The following HS3ST4 variants were observed in gnomAD, a reference collection of about 807,000 sequenced individuals.
The protein encoded by HS3ST4 is heparan sulfate glucosamine 3-O-sulfotransferase 4.
A neutral mutation model predicts 29.2 loss-of-function variants in HS3ST4; 17 were observed. That is an observed-to-expected ratio of 0.58 (90% CI 0.40 to 0.87). The LOEUF (loss-of-function observed/expected upper bound fraction) is 0.87. Among genes scored for constraint, HS3ST4 ranks in the 40% least tolerant of loss-of-function variants. HS3ST4 has a pLI of 0.00. For missense variants in HS3ST4, 627 were observed against 634.5 expected, an observed-to-expected ratio of 0.99 and a Z score of 0.13; for synonymous variants, 314 against 285.7, an observed-to-expected ratio of 1.10 and a Z score of -1.00.
intron 1 of HS3ST4, among the ~76,000 whole-genome samples, chr16:26,119,740 A>G (rs1899247128): frequency 6.6e-6 from 1 of 152,058 alleles, no homozygotes; most frequent in East Asian, 1.9e-4. Flanking sequence ...ACAAATATTT[A>G]TCGAGGCCTA....
intron 1 of HS3ST4, among the ~76,000 whole-genome samples, chr16:25,908,835 AT>A (rs1000129711): frequency 3.9e-5 from 6 of 152,368 alleles, no homozygotes; most frequent in Middle Eastern, 3.4e-3. Flanking sequence ...CAAGGAAGGC[AT>A]CAGAGTCCAA....
At chr16:25,854,200 A>T (rs1402047568) in intron 1 of HS3ST4, among the ~76,000 whole-genome samples, 3 of 151,968 alleles carry the variant, frequency 2.0e-5, no homozygotes, top group African/African-American at 7.2e-5. Flanking sequence ...TGGCATAATG[A>T]TAGCTCACTG....
At chr16:25,975,127 C>A (rs1014643678) in intron 1 of HS3ST4, among the ~76,000 whole-genome samples, 2 of 152,080 alleles carry the variant, frequency 1.3e-5, no homozygotes, top group Non-Finnish European at 2.9e-5. Flanking sequence ...AGAATGAAAT[C>A]TTATCCTATG....
chr16:25,960,285 C>T (rs1258629058), intron 1 of HS3ST4, among the ~76,000 whole-genome samples: 1 of 152,206 alleles, frequency 6.6e-6, no homozygotes, highest in East Asian at 1.9e-4. Context: ...CATGCTTGTA[C>T]AGTCTGCAGA....
rs555025500 is a variant in HS3ST4 at position 26,013,837 on chromosome 16, A to G, written c.735-121775A>G. ...ATCCTGGCCAACATGGTGAAACCCC[A>G]TCTCTACTAAAAATACAAAAAAATT... On this transcript the variant is annotated intron_variant, in intron 1 of 1. Coordinates refer to ENST00000331351, the MANE Select transcript of HS3ST4 (RefSeq NM_006040.3). Among the ~76,000 whole-genome samples, 298 of 151,904 alleles carry G rather than the reference A, an allele frequency of 2.0e-3. 1 individual carries two copies. Among genetic ancestry groups the G allele is most frequent in the African/African-American group, 6.6e-3 (272 of 41,426 alleles).
At chr16:26,002,790 A>G (rs1397894453) in intron 1 of HS3ST4, among the ~76,000 whole-genome samples, 2 of 151,864 alleles carry the variant, frequency 1.3e-5, no homozygotes, top group Non-Finnish European at 2.9e-5. Flanking sequence ...AGAAAGAAAG[A>G]AAAAGAAAGA....
rs967063661 is a variant in HS3ST4, at chr16:25,692,422, C to T, written c.5C>T (p.Ala2Val). The change falls in exon 1 of 2, where the codon GCC (alanine) becomes GTC (valine). Residue 2 changes from alanine (A) to valine (V), a missense_variant. Physicochemically the swap from Ala to Val is moderately conservative, Grantham distance 64. This residue lies in a region of HS3ST4 where 402 missense variants were observed against 340.8 expected (regional missense o/e 1.18). Transcript: ENST00000331351. The stretch of plus-strand genomic sequence containing the variant: ...CGCCGCGAGCCGGGAGCCGCGATGG[C>T]CCGGTGGCCCGCACCTCCTCCGCCT... Reference protein sequence around the residue: MARWPAPPPPPP... With the variant: MVRWPAPPPPPP... 52 of 1,055,992 alleles carry T rather than the reference C, an allele frequency of 4.9e-5. No individual in the cohort carries two copies. Among genetic ancestry groups the T allele is most frequent in the African/African-American group, 6.9e-5 (4 of 58,110 alleles). The allele number at this position is 1,055,992 out of a possible 1,614,324, so 65.4% of individuals were successfully genotyped here. A position where few individuals can be genotyped will look rare whatever the true frequency, so the allele number is the denominator to read the frequency against.
chr16:26,094,919 G>A (rs1157891273), intron 1 of HS3ST4, among the ~76,000 whole-genome samples: 1 of 143,454 alleles, frequency 7.0e-6, no homozygotes, highest in Non-Finnish European at 1.5e-5. Flanking sequence ...GATGGAGGAA[G>A]ATCTACCAAG....
chr16:26,039,462 G>A (rs1039680014), intron 1 of HS3ST4, among the ~76,000 whole-genome samples: 1 of 151,938 alleles, frequency 6.6e-6, no homozygotes, highest in African/African-American at 2.4e-5. Context: ...TTTATTTTAT[G>A]TGGGTACATA....
intron 1 of HS3ST4, among the ~76,000 whole-genome samples, chr16:25,731,440 A>G (rs1195678955): frequency 6.6e-6 from 1 of 152,102 alleles, no homozygotes; most frequent in Non-Finnish European, 1.5e-5. Context: ...TCCTGGACTC[A>G]AGCAATCCTC....
chr16:26,125,385 C>T (rs369511778), intron 1 of HS3ST4, among the ~76,000 whole-genome samples: 51 of 152,282 alleles, frequency 3.3e-4, no homozygotes, highest in East Asian at 2.1e-3. Flanking sequence ...CTCTTGCTTC[C>T]GCAGTTCACA....
chr16:25,929,449 C>T (rs1567274607), intron 1 of HS3ST4, among the ~76,000 whole-genome samples: 1 of 152,140 alleles, frequency 6.6e-6, no homozygotes, highest in African/African-American at 2.4e-5. Flanking sequence ...GGAACCAGTA[C>T]TATCCTCCAG....
In HS3ST4 at chr16:25,803,547, T is replaced by C; in HGVS notation, c.734+110396T>C. On this transcript the variant is annotated intron_variant, in intron 1 of 1. Transcript: ENST00000331351. ...CCCAAAATGAAGTTTTTTCCCAAAT[T>C]ATTATTTTTAAATTCATGCCTTATT... Among the ~76,000 whole-genome samples, 2 of 152,194 alleles carry C rather than the reference T, an allele frequency of 1.3e-5. 1 individual carries two copies. The highest frequency in any genetic ancestry group is 2.9e-5 in the Non-Finnish European group (2 of 68,036).
At position 25,692,871 on chromosome 16, in the gene HS3ST4, G is replaced by A; in HGVS notation, c.454G>A (p.Ala152Thr). The stretch of plus-strand genomic sequence containing the variant: ...GCTGGCCCCCAGCGAGATGATCACG[G>A]CTCAGAGCGCGCTGCCGGAGAGGGA... ...TPLAPSEMIT[A>T]QSALPEREAQ... The change falls in exon 1 of 2, where the codon GCT becomes ACT. Residue 152 changes from alanine (A) to threonine (T), a missense_variant. By Grantham distance (58) the Ala-to-Thr change is moderately conservative (BLOSUM62 0). Transcript: ENST00000331351. 4 of 1,534,170 alleles carry A rather than the reference G, an allele frequency of 2.6e-6. No homozygotes were observed. The highest frequency in any genetic ancestry group is 2.4e-5 in the South Asian group (2 of 82,360).
chr16:26,010,079 A>G (rs549293945), intron 1 of HS3ST4, among the ~76,000 whole-genome samples: 1 of 152,344 alleles, frequency 6.6e-6, no homozygotes, highest in South Asian at 2.1e-4. Context: ...AGGATCCAAG[A>G]TGAGTTACAG....
chr16:26,132,499 C>T (rs1324140890), intron 1 of HS3ST4, among the ~76,000 whole-genome samples: 4 of 152,164 alleles, frequency 2.6e-5, no homozygotes, highest in Non-Finnish European at 2.9e-5. Context: ...TCTCTTATTT[C>T]CTTTTGCAAC....
chr16:25,744,436 A>G (rs371002722), intron 1 of HS3ST4, among the ~76,000 whole-genome samples: 4 of 152,312 alleles, frequency 2.6e-5, no homozygotes. Context: ...GTTCCACTGG[A>G]TATAGTAGAA....
intron 1 of HS3ST4, among the ~76,000 whole-genome samples, chr16:25,702,807 A>T (rs1347577956): frequency 6.6e-6 from 1 of 152,112 alleles, no homozygotes; most frequent in Non-Finnish European, 1.5e-5. Context: ...TACACCCCCA[A>T]TTCAGGGGTA....
chr16:25,885,350 T>C (rs1967938147), intron 1 of HS3ST4, among the ~76,000 whole-genome samples: 1 of 152,150 alleles, frequency 6.6e-6, no homozygotes, highest in Admixed American at 6.6e-5. Context: ...AAATTTGGTT[T>C]CGAGACCCTC....
Sources: gnomAD v4.1 joint callset for allele counts (sites outside exome capture counted in the v4.1 genomes callset) on GRCh38, gnomAD v4.1.1 for gene constraint, gnomAD v4.1.1 regional missense constraint, MANE v1.5 for transcripts, NCBI Gene and HGNC (gene_info 2026-07-23, HGNC 2026-07-21) for gene names.